MVB12B: variants seen among roughly 807,000 people sequenced by gnomAD.
MVB12B encodes the protein ESCRT-I complex subunit MVB12B.
A neutral mutation model predicts 41.6 loss-of-function variants in MVB12B; 16 were observed. The ratio of observed to expected loss-of-function variants is 0.38; its 90% confidence interval spans 0.26 to 0.58. The LOEUF (loss-of-function observed/expected upper bound fraction) is 0.58, where lower values mean the gene tolerates loss of function less well. Among genes scored for constraint, MVB12B ranks in the 20% least tolerant of loss-of-function variants. The probability of loss-of-function intolerance (pLI) is 0.62; values close to 1 mark genes in which losing one functional copy is unlikely to be tolerated. For synonymous variants in MVB12B, 133 were observed against 139.7 expected (o/e 0.95, Z 0.34); for missense variants, 274 against 380.2 (o/e 0.72, Z 2.32).
intron 2 of MVB12B, among the ~76,000 whole-genome samples, chr9:126,348,222 A>G (rs1296973649): frequency 6.6e-6 from 1 of 152,246 alleles, no homozygotes; most frequent in Admixed American, 6.5e-5. Flanking sequence ...AAATGCGGAA[A>G]GTGGTTTTTG....
rs1833275673 is a variant in MVB12B at position 126,469,823 on chromosome 9, CAT to C, written c.758-11545_758-11544del. 2.6e-5 allele frequency among the ~76,000 whole-genome samples: 4 copies of C among 152,212 alleles called. No homozygotes were observed. The South Asian group carries it at 8.3e-4, about 32-fold the overall frequency. On this transcript the variant is annotated intron_variant, in intron 7 of 9. Coordinates refer to ENST00000361171, the MANE Select transcript of MVB12B (RefSeq NM_033446.3). ...TCAGCCACCAGGGTACCTTTGAACT[CAT>C]GTGGAAAAGTATCACTGAGTTGCGT...
At chr9:126,360,383 T>G (rs1829996111) in intron 2 of MVB12B, among the ~76,000 whole-genome samples, 1 of 152,232 alleles carries the variant, frequency 6.6e-6, no homozygotes, top group Admixed American at 6.5e-5. Context: ...TATATTATTA[T>G]GTTTTCAACT....
chr9:126,491,416 T>C (rs990347602), intron 9 of MVB12B, among the ~76,000 whole-genome samples: 1 of 147,372 alleles, frequency 6.8e-6, no homozygotes, highest in Non-Finnish European at 1.5e-5. Context: ...CTGGTGCTTA[T>C]TAGATGTTGA....
intron 2 of MVB12B, among the ~76,000 whole-genome samples, chr9:126,345,533 T>C (rs1229581827): frequency 2.0e-5 from 3 of 152,216 alleles, no homozygotes; most frequent in Non-Finnish European, 4.4e-5. Flanking sequence ...TTCGGGCATA[T>C]CTAGAAGAGC....
At chr9:126,346,408 T>C (rs1752163854) in intron 2 of MVB12B, among the ~76,000 whole-genome samples, 1 of 151,684 alleles carries the variant, frequency 6.6e-6, no homozygotes, top group South Asian at 2.1e-4. Context: ...AGGATGAGAG[T>C]GCCACAGGAT....
chr9:126,380,429 A>C (rs542360622), intron 2 of MVB12B, among the ~76,000 whole-genome samples: 38 of 152,340 alleles, frequency 2.5e-4, no homozygotes, highest in Middle Eastern at 3.4e-3. Context: ...TGCAGATGAG[A>C]AAATGGCTTC....
chr9:126,339,533 T>G (rs535928), intron 1 of MVB12B, among the ~76,000 whole-genome samples: 151,665 of 152,332 alleles, frequency 1, 75,507 homozygotes, highest in Middle Eastern at 1. Context: ...TATTCTACCT[T>G]TCTCCTCTGG....
chr9:126,503,253 C>T lies in MVB12B; in HGVS notation c.950C>T (p.Pro317Leu), dbSNP rs778783906. The T allele has an allele frequency of 1.3e-5, 20 of 1,550,146 alleles. No individual in the cohort carries two copies. The highest frequency in any genetic ancestry group is 5.5e-5 in the African/African-American group (4 of 73,034). Residue 317 changes from proline to leucine, a missense_variant, in exon 10 of 10, where the codon CCG (proline) becomes CTG (leucine). Coordinates refer to ENST00000361171, the MANE Select transcript of MVB12B (RefSeq NM_033446.3). The stretch of plus-strand genomic sequence containing the variant: ...AGCCCCACCAGGTGTCAGCAGATCC[C>T]GCAGTCCTGAGGAGCCAGCGGCCAC... Reference protein sequence around the residue: ...PPSPTRCQQIPQS With the variant: ...PPSPTRCQQILQS
At chr9:126,366,804 C>G (rs190607818) in intron 2 of MVB12B, among the ~76,000 whole-genome samples, 5 of 152,048 alleles carry the variant, frequency 3.3e-5, no homozygotes, top group Admixed American at 2.6e-4. Flanking sequence ...TGCCAGGCGC[C>G]GAGCTTCTGA....
At chr9:126,398,377 C>A (rs1262335378) in intron 6 of MVB12B, among the ~76,000 whole-genome samples, 2 of 152,092 alleles carry the variant, frequency 1.3e-5, no homozygotes, top group Non-Finnish European at 2.9e-5. Context: ...CGGGTCTTTT[C>A]CTATGGCGAG....
intron 4 of MVB12B, among the ~76,000 whole-genome samples, chr9:126,387,718 T>C (rs1003353363): frequency 1.2e-4 from 18 of 152,270 alleles, no homozygotes; most frequent in Admixed American, 6.5e-5. Context: ...ATGCATTTAC[T>C]GTATGTTCAC....
intron 6 of MVB12B, among the ~76,000 whole-genome samples, chr9:126,415,380 TAAAG>T (rs1831785822): frequency 6.6e-6 from 1 of 152,014 alleles, no homozygotes; most frequent in African/African-American, 2.4e-5. Flanking sequence ...CACTGACCAA[TAAAG>T]AGTCTTCTAA....
Position 126,386,515 on chromosome 9 carries a change from A to G in MVB12B, c.313-47A>G, listed in dbSNP as rs377244799. The G allele has an allele frequency of 2.1e-6, 3 of 1,459,128 alleles. No homozygotes were observed. The highest frequency in any genetic ancestry group is 2.9e-6 in the Non-Finnish European group (3 of 1,041,734). The allele number at this position is 1,459,128 out of a possible 1,614,324, so 90.4% of individuals were successfully genotyped here. ...GAAGCCAAAATGGCAAACCCACCAC[A>G]TGCATGTTCAGATTAATAGTCTGTA... On this transcript the variant is annotated intron_variant, in intron 3 of 9. Transcript: ENST00000361171. This position sits in a 1 kb window ranked among gnomAD's most constrained non-coding sequence, Gnocchi z 4.3.
At chr9:126,429,379 C>T (rs963389662) in intron 7 of MVB12B, among the ~76,000 whole-genome samples, 3 of 152,174 alleles carry the variant, frequency 2.0e-5, no homozygotes, top group Non-Finnish European at 2.9e-5. Context: ...AGGTTTGCTC[C>T]GTACACAACC....
intron 2 of MVB12B, among the ~76,000 whole-genome samples, chr9:126,378,428 C>G (rs1830542555): frequency 6.6e-6 from 1 of 152,140 alleles, no homozygotes; most frequent in Admixed American, 6.5e-5. Context: ...CAGAAATGCC[C>G]CCCTTGTTCC....
At chr9:126,496,650 G>A (rs546332222) in intron 9 of MVB12B, among the ~76,000 whole-genome samples, 7 of 152,204 alleles carry the variant, frequency 4.6e-5, no homozygotes, top group African/African-American at 1.4e-4. Flanking sequence ...TTAAGGACAC[G>A]TAGGACTTTG....
chr9:126,329,393 A>G (rs1010722522), intron 1 of MVB12B, among the ~76,000 whole-genome samples: 3 of 152,222 alleles, frequency 2.0e-5, no homozygotes, highest in African/African-American at 7.2e-5. Context: ...GCAGCAGATC[A>G]TGGTGTTTTT....
At chr9:126,423,114 G>A (rs1832073073) in intron 7 of MVB12B, among the ~76,000 whole-genome samples, 1 of 152,220 alleles carries the variant, frequency 6.6e-6, no homozygotes, top group Admixed American at 6.5e-5. Context: ...TTGTAGAAAA[G>A]CTGAATATTT....
At chr9:126,412,232 A>G (rs1831672058) in intron 6 of MVB12B, among the ~76,000 whole-genome samples, 1 of 152,216 alleles carries the variant, frequency 6.6e-6, no homozygotes, top group Admixed American at 6.5e-5. Context: ...TCTTCATTAA[A>G]TGGCATTCAT....
Sources: allele counts gnomAD v4.1 joint callset (sites outside exome capture counted in the v4.1 genomes callset), GRCh38; gene constraint gnomAD v4.1.1; non-coding constraint Gnocchi (gnomAD v3.1); transcripts MANE v1.5; gene names NCBI Gene and HGNC (gene_info 2026-07-23, HGNC 2026-07-21).